PTPRT: variants seen among roughly 807,000 people sequenced by gnomAD.
The protein encoded by PTPRT is receptor-type tyrosine-protein phosphatase T.
Under a neutral mutation model 176.8 loss-of-function variants are expected in PTPRT, and 56 were observed. That is an observed-to-expected ratio of 0.32 (90% CI 0.26 to 0.40). The LOEUF is 0.40. PTPRT is among the 10% of genes least tolerant of loss of function. The probability of loss-of-function intolerance (pLI) is 1.00; values close to 1 mark genes in which losing one functional copy is unlikely to be tolerated. For synonymous variants in PTPRT, 783 were observed against 739.0 expected (o/e 1.06, Z -0.96); for missense variants, 1,540 against 1,908.2 (o/e 0.81, Z 3.60).
downstream of PTPRT, among the ~76,000 whole-genome samples, chr20:42,070,234 C>T (rs1307064320): frequency 6.6e-6 from 1 of 151,748 alleles, no homozygotes; most frequent in African/African-American, 2.4e-5. Context: ...CTGAGGGCTT[C>T]TAGGTTCCCT....
intron 1 of PTPRT, among the ~76,000 whole-genome samples, chr20:42,896,993 G>C (rs1007109511): frequency 6.6e-6 from 1 of 151,940 alleles, no homozygotes; most frequent in East Asian, 1.9e-4. Flanking sequence ...GTGCCGGGGG[G>C]GTGTTTAAAT....
At chr20:43,108,030 G>C (rs973064730) in intron 1 of PTPRT, among the ~76,000 whole-genome samples, 1 of 151,744 alleles carries the variant, frequency 6.6e-6, no homozygotes, top group African/African-American at 2.4e-5. Flanking sequence ...AAAGATGGTT[G>C]CAACAATATC....
intron 7 of PTPRT, among the ~76,000 whole-genome samples, chr20:42,639,634 C>T (rs2074692043): frequency 6.6e-6 from 1 of 152,194 alleles, no homozygotes; most frequent in Middle Eastern, 3.4e-3. Flanking sequence ...CTCCTTAGCC[C>T]ACAGTCTTCT....
chr20:42,323,978 A>T (rs2057844614), intron 11 of PTPRT, among the ~76,000 whole-genome samples: 1 of 152,100 alleles, frequency 6.6e-6, no homozygotes, highest in African/African-American at 2.4e-5. Context: ...TAAAAAGGTA[A>T]ACATAAAAGT....
intron 9 of PTPRT, among the ~76,000 whole-genome samples, chr20:42,374,654 T>C (rs1287046548): frequency 6.6e-6 from 1 of 152,134 alleles, no homozygotes; most frequent in African/African-American, 2.4e-5. Context: ...CCAAGATACA[T>C]ATTACCAATG....
intron 1 of PTPRT, among the ~76,000 whole-genome samples, chr20:43,035,105 C>G (rs1411182337): frequency 8.5e-5 from 13 of 152,152 alleles, no homozygotes; most frequent in Admixed American, 8.5e-4. Flanking sequence ...CTTGGGCACC[C>G]AACTGCAACT....
chr20:42,329,524 C>G (rs867297771), intron 11 of PTPRT, among the ~76,000 whole-genome samples: 51 of 151,304 alleles, frequency 3.4e-4, no homozygotes, highest in African/African-American at 5.3e-4. Flanking sequence ...CACACACACA[C>G]AGGCAACATC....
At chr20:43,023,718 C>T (rs1384958500) in intron 1 of PTPRT, among the ~76,000 whole-genome samples, 2 of 152,142 alleles carry the variant, frequency 1.3e-5, no homozygotes, top group African/African-American at 4.8e-5. Context: ...AGCTCTGGCC[C>T]AATTCTGCAT....
chr20:43,112,656 T>C (rs562020217), intron 1 of PTPRT, among the ~76,000 whole-genome samples: 3 of 152,322 alleles, frequency 2.0e-5, no homozygotes, highest in Admixed American at 2.0e-4. Flanking sequence ...GTTCCTCTGG[T>C]TTGAATGAAT....
intron 2 of PTPRT, among the ~76,000 whole-genome samples, chr20:42,798,121 T>C (rs775371372): frequency 1.1e-4 from 16 of 152,286 alleles, no homozygotes; most frequent in Non-Finnish European, 1.8e-4. Context: ...GTGATACCCT[T>C]CCTGAAATCC....
At chr20:42,948,123 C>G (rs142458818) in intron 1 of PTPRT, among the ~76,000 whole-genome samples, 1 of 152,188 alleles carries the variant, frequency 6.6e-6, no homozygotes, top group African/African-American at 2.4e-5. Flanking sequence ...TTCCTCCTAC[C>G]TCCCTGAGGA....
chr20:42,164,672 C>A (rs1989751830), intron 16 of PTPRT, among the ~76,000 whole-genome samples: 1 of 152,202 alleles, frequency 6.6e-6, no homozygotes, highest in African/African-American at 2.4e-5. Flanking sequence ...CCCAATTTCA[C>A]AACTCACTTC....
chr20:42,980,430 T>G (rs565622968), intron 1 of PTPRT, among the ~76,000 whole-genome samples: 98 of 152,332 alleles, frequency 6.4e-4, no homozygotes, highest in African/African-American at 2.3e-3. Context: ...ACATTGTGAA[T>G]CTAGATTTTA....
Position 42,402,204 on chromosome 20 carries a change from G to T in PTPRT, c.1560+46016C>A, listed in dbSNP as rs78705736. The stretch of plus-strand genomic sequence containing the variant: ...AGAGCCAGCCACTGCCTCAGTTTCT[G>T]TTGTGGGTTTTGGTTCCCCAAAACA... On this transcript the variant is annotated intron_variant, in intron 9 of 30. Coordinates refer to ENST00000373187, the MANE Select transcript of PTPRT (RefSeq NM_007050.6). Among the ~76,000 whole-genome samples, 538 of 152,240 alleles carry T rather than the reference G, an allele frequency of 3.5e-3. 8 individuals are homozygous for T. The highest frequency in any genetic ancestry group is 7.2e-3 in the East Asian group (37 of 5,162).
At chr20:42,870,674 T>C (rs2078830078) in intron 2 of PTPRT, among the ~76,000 whole-genome samples, 2 of 152,242 alleles carry the variant, frequency 1.3e-5, no homozygotes, top group Admixed American at 6.5e-5. Context: ...TCTCAGAATG[T>C]ATTCCCATCA....
At chr20:42,547,268 T>C (rs941226239) in intron 7 of PTPRT, among the ~76,000 whole-genome samples, 1 of 152,136 alleles carries the variant, frequency 6.6e-6, no homozygotes, top group African/African-American at 2.4e-5. Context: ...TTCAGAAAAG[T>C]GGAAACTTGC....
Position 42,076,529 on chromosome 20 carries a change from T to C in PTPRT, c.*4350A>G, listed in dbSNP as rs771064752. ...AGATGCCTTAGTTGAGGTCCCCTCA[T>C]GAACAGTGAGGTCAGAGCACCCACA... On this transcript the variant is annotated 3_prime_UTR_variant, in exon 31 of 31. Transcript: ENST00000373187. 4 of 202,744 alleles carry C rather than the reference T, an allele frequency of 2.0e-5. No homozygotes were observed. Among genetic ancestry groups the C allele is most frequent in the Non-Finnish European group, 4.1e-5 (4 of 98,688 alleles). 12.6% of individuals were successfully genotyped at this position (202,744 alleles called of 1,614,324 possible).
chr20:42,947,493 C>G (rs971346205), intron 1 of PTPRT, among the ~76,000 whole-genome samples: 4 of 152,186 alleles, frequency 2.6e-5, no homozygotes, highest in South Asian at 2.1e-4. Context: ...AGAGGCCAAT[C>G]TCCTTCAGGC....
chr20:42,546,794 G>A (rs893818236), intron 7 of PTPRT, among the ~76,000 whole-genome samples: 2 of 152,128 alleles, frequency 1.3e-5, no homozygotes, highest in African/African-American at 4.8e-5. Context: ...AATGACAGGA[G>A]AATGGATGGT....
Sources: gnomAD v4.1 joint callset for allele counts (sites outside exome capture counted in the v4.1 genomes callset) on GRCh38, gnomAD v4.1.1 for gene constraint, MANE v1.5 for transcripts, NCBI Gene and HGNC (gene_info 2026-07-23, HGNC 2026-07-21) for gene names.